Variants in CYBRD1 observed in about 807,000 individuals in gnomAD.
CYBRD1 encodes plasma membrane ascorbate-dependent reductase CYBRD1.
CYBRD1 carries 14 observed loss-of-function variants against 21.9 expected under a neutral mutation model. The observed-to-expected ratio is 0.64, with a 90% CI of 0.42 to 1.00. The LOEUF is 1.00. CYBRD1 is among the 50% of genes least tolerant of loss of function. CYBRD1 has a pLI of 0.00. For missense variants in CYBRD1, 328 were observed against 352.5 expected (o/e 0.93, Z 0.56); for synonymous variants, 146 against 136.5 (o/e 1.07, Z -0.48).
chr2:171,550,707 A>C lies in CYBRD1; in HGVS notation c.403-2639A>C, dbSNP rs568096500. ...GTGAAAGTCAGATTTAGGGTAGTTA[A>C]GTTGCTCAGGGATCCTGTAAGCAAA... On this transcript the variant is annotated intron_variant, in intron 2 of 3. Coordinates refer to ENST00000321348, the MANE Select transcript of CYBRD1 (RefSeq NM_024843.4). Among the ~76,000 whole-genome samples the C allele has an allele frequency of 7.2e-5, 11 of 152,240 alleles. No individual in the cohort carries two copies. The South Asian group carries it at 2.1e-3, about 29-fold the overall frequency.
intron 1 of CYBRD1, among the ~76,000 whole-genome samples, chr2:171,527,134 C>T (rs1295427844): frequency 6.6e-6 from 1 of 152,158 alleles, no homozygotes; most frequent in Non-Finnish European, 1.5e-5. Flanking sequence ...AAAGAAGCTT[C>T]AGGGACACCA....
chr2:171,549,276 G>T (rs1408992809), intron 2 of CYBRD1, among the ~76,000 whole-genome samples: 1 of 152,080 alleles, frequency 6.6e-6, no homozygotes, highest in Admixed American at 6.6e-5. Context: ...TAGAGAAGGT[G>T]CTTCACCATG....
chr2:171,552,642 C>T (rs1000720983), intron 2 of CYBRD1, among the ~76,000 whole-genome samples: 29 of 152,178 alleles, frequency 1.9e-4, no homozygotes, highest in African/African-American at 6.5e-4. Context: ...GATGGGCAAA[C>T]GTGTGGGGTG....
intron 3 of CYBRD1, among the ~76,000 whole-genome samples, chr2:171,554,138 C>T (rs977390404): frequency 3.3e-5 from 5 of 152,150 alleles, no homozygotes; most frequent in African/African-American, 1.2e-4. Flanking sequence ...TTTCAATTTT[C>T]CATCCGCCAT....
intron 1 of CYBRD1, among the ~76,000 whole-genome samples, chr2:171,531,529 C>T (rs867985007): frequency 6.6e-6 from 1 of 152,048 alleles, no homozygotes; most frequent in Non-Finnish European, 1.5e-5. Context: ...CTCACTGCAG[C>T]CTCGACCTCC....
At chr2:171,533,287 A>G (rs1697497683) in intron 1 of CYBRD1, among the ~76,000 whole-genome samples, 1 of 152,150 alleles carries the variant, frequency 6.6e-6, no homozygotes, top group Non-Finnish European at 1.5e-5. Flanking sequence ...GAATTGCTTG[A>G]ACCCGGGAAT....
At chr2:171,551,411 T>A (rs1683374208) in intron 2 of CYBRD1, among the ~76,000 whole-genome samples, 1 of 152,206 alleles carries the variant, frequency 6.6e-6, no homozygotes, top group Non-Finnish European at 1.5e-5. Context: ...GGTTATTAAC[T>A]AAATAATAAA....
intron 1 of CYBRD1, chr2:171,523,039 G>A: frequency 2.3e-6 from 1 of 428,734 alleles, no homozygotes; most frequent in Non-Finnish European, 4.3e-6. Context: ...AACTCTTTGC[G>A]GCGACTGGCT....
intron 1 of CYBRD1, among the ~76,000 whole-genome samples, chr2:171,532,634 T>C (rs1218849748): frequency 1.3e-5 from 2 of 151,766 alleles, no homozygotes; most frequent in African/African-American, 2.4e-5. Context: ...ACCCTGTCTC[T>C]ACAAAAAAAT....
At chr2:171,541,866 T>TC in intron 2 of CYBRD1, 73 bp downstream of exon 2, 4 of 1,237,110 alleles carry the variant, frequency 3.2e-6, no homozygotes, top group Admixed American at 2.2e-5. Context: ...CTTTTCTTTT[T>TC]TTTTTTTTTT....
At chr2:171,553,252 G>C in intron 2 of CYBRD1, 94 bp from the exon 3 acceptor site, 1 of 1,437,854 alleles carries the variant, frequency 7.0e-7, no homozygotes, top group Non-Finnish European at 9.6e-7. Flanking sequence ...TATATGAAAG[G>C]TTTTGTCATA....
At chr2:171,549,861 A>T (rs919077975) in intron 2 of CYBRD1, among the ~76,000 whole-genome samples, 2 of 152,188 alleles carry the variant, frequency 1.3e-5, no homozygotes, top group African/African-American at 4.8e-5. Context: ...TATAGTTGGC[A>T]TTTAGTGTGT....
intron 1 of CYBRD1, 68 bp from the exon 2 acceptor site, chr2:171,541,517 A>G: frequency 6.7e-7 from 1 of 1,492,396 alleles, no homozygotes; most frequent in South Asian, 1.1e-5. Flanking sequence ...CAGTGTGTCA[A>G]ACTGTTCATT....
At chr2:171,532,026 T>C (rs912116664) in intron 1 of CYBRD1, among the ~76,000 whole-genome samples, 16 of 152,358 alleles carry the variant, frequency 1.1e-4, no homozygotes, top group African/African-American at 3.6e-4. Context: ...TTCAGTTTCA[T>C]GACATTCGTG....
Position 171,538,974 on chromosome 2 carries a change from C to T in CYBRD1, c.194-2611C>T, listed in dbSNP as rs139815086. 8.9e-3 allele frequency among the ~76,000 whole-genome samples: 1,353 copies of T among 152,010 alleles called. 20 individuals are homozygous for T. Among genetic ancestry groups the T allele is most frequent in the African/African-American group, 0.027 (1,136 of 41,470 alleles). On this transcript the variant is annotated intron_variant, in intron 1 of 3. Coordinates refer to ENST00000321348, the MANE Select transcript of CYBRD1 (RefSeq NM_024843.4). ...CACCACGCCCGGCTAATTTCTGTATCTTTAGTAGAGACTGGGCTTCATTAT... is the reference window on the plus strand; with the variant it reads ...CACCACGCCCGGCTAATTTCTGTATTTTTAGTAGAGACTGGGCTTCATTAT...
At chr2:171,534,201 A>G (rs1254247804) in intron 1 of CYBRD1, among the ~76,000 whole-genome samples, 1 of 152,056 alleles carries the variant, frequency 6.6e-6, no homozygotes, top group Non-Finnish European at 1.5e-5. Flanking sequence ...TAATGTTTGT[A>G]TTTCCCCTCA....
In CYBRD1 at chr2:171,554,901, A is replaced by AAT; in HGVS notation, c.*74_*75insAT. The AAT allele has an allele frequency of 1.4e-6, 2 of 1,451,528 alleles. No homozygotes were observed. Among genetic ancestry groups the AAT allele is most frequent in the Non-Finnish European group, 1.9e-6 (2 of 1,040,776 alleles). 89.9% of individuals were successfully genotyped at this position (1,451,528 alleles called of 1,614,324 possible). The stretch of plus-strand genomic sequence containing the variant: ...TACAGTTTTGCTTCTCCTATTAGCC[A>AAT]TATGATAATTGGGCTATGTAGTATC... On this transcript the variant is annotated 3_prime_UTR_variant, in exon 4 of 4. Coordinates refer to ENST00000321348, the MANE Select transcript of CYBRD1 (RefSeq NM_024843.4).
chr2:171,529,531 CAAAAAAAAAA>C (rs57600338), intron 1 of CYBRD1, among the ~76,000 whole-genome samples: 2 of 69,260 alleles, frequency 2.9e-5, no homozygotes, highest in African/African-American at 6.3e-5. Context: ...AACTCTGTCT[CAAAAAAAAAA>C]AAAAAAAAAA....
In CYBRD1 at chr2:171,550,918, A is replaced by G. The variant is rs148235754; in HGVS notation, c.403-2428A>G. 1.9e-3 allele frequency: 324 copies of G among 170,050 alleles called. 1 individual carries two copies. The highest frequency in any genetic ancestry group is 5.4e-3 in the Middle Eastern group (2 of 370). The allele number at this position is 170,050 out of a possible 1,614,324, so 10.5% of individuals were successfully genotyped here. On this transcript the variant is annotated intron_variant, in intron 2 of 3. Coordinates refer to ENST00000321348, the MANE Select transcript of CYBRD1 (RefSeq NM_024843.4). ...AAGATATGATGATTTATGGAGATAT[A>G]TTTGTGCTATATCCCTGAGCCCCAT...
Sources: gnomAD v4.1 joint callset for allele counts (sites outside exome capture counted in the v4.1 genomes callset) on GRCh38, gnomAD v4.1.1 for gene constraint, MANE v1.5 for transcripts, NCBI Gene and HGNC (gene_info 2026-07-23, HGNC 2026-07-21) for gene names.